SDK1: variants seen among roughly 807,000 people sequenced by gnomAD.
SDK1 encodes the protein protein sidekick-1.
SDK1 carries 157 observed loss-of-function variants against 245.5 expected under a neutral mutation model. That is an observed-to-expected ratio of 0.64 (90% CI 0.56 to 0.73). SDK1 has a LOEUF of 0.73. SDK1 is among the 30% of genes least tolerant of loss of function. SDK1 has a pLI of 0.00. For missense variants in SDK1, 3,583 were observed against 3,002.3 expected, an observed-to-expected ratio of 1.19 and a Z score of -4.52; for synonymous variants, 1,647 against 1,278.5, an observed-to-expected ratio of 1.29 and a Z score of -6.15.
intron 26 of SDK1, among the ~76,000 whole-genome samples, chr7:4,127,995 G>A (rs756786029): frequency 5.3e-5 from 8 of 152,174 alleles, no homozygotes; most frequent in Non-Finnish European, 7.3e-5. Context: ...AATGGCATCC[G>A]CTGGCAGGGT....
chr7:4,076,324 C>A (rs914880148), intron 20 of SDK1, among the ~76,000 whole-genome samples: 4 of 152,104 alleles, frequency 2.6e-5, no homozygotes, highest in Admixed American at 6.6e-5. Flanking sequence ...GAGGCCGAGG[C>A]GGGAGGATCT....
At chr7:3,592,336 T>C (rs1780904013) in intron 1 of SDK1, among the ~76,000 whole-genome samples, 1 of 152,176 alleles carries the variant, frequency 6.6e-6, no homozygotes, top group Non-Finnish European at 1.5e-5. Context: ...ATTCAGATGT[T>C]CCAGAATAAC....
intron 1 of SDK1, among the ~76,000 whole-genome samples, chr7:3,349,083 C>G (rs944462228): frequency 1.3e-5 from 2 of 152,098 alleles, no homozygotes; most frequent in African/African-American, 4.8e-5. Context: ...AAGTGCACTT[C>G]AGTTTTGTCG....
chr7:3,576,363 C>T (rs1583185027), intron 1 of SDK1, among the ~76,000 whole-genome samples: 2 of 152,200 alleles, frequency 1.3e-5, no homozygotes, highest in East Asian at 1.9e-4. Flanking sequence ...TAGGTGGGGC[C>T]ATCTGCAAGT....
chr7:3,858,354 C>G (rs1018303460), intron 5 of SDK1, among the ~76,000 whole-genome samples: 1 of 152,024 alleles, frequency 6.6e-6, no homozygotes, highest in African/African-American at 2.4e-5. Context: ...GAGTTCAAAA[C>G]CACCCTGGGC....
intron 1 of SDK1, among the ~76,000 whole-genome samples, chr7:3,315,771 G>T (rs916469441): frequency 2.6e-5 from 4 of 152,088 alleles, no homozygotes; most frequent in African/African-American, 9.7e-5. Context: ...GAAGAATATG[G>T]TACTAAAGTT....
intron 1 of SDK1, among the ~76,000 whole-genome samples, chr7:3,457,566 T>C (rs182025265): frequency 4.1e-4 from 62 of 152,204 alleles, no homozygotes; most frequent in African/African-American, 1.4e-3. Context: ...TTTCCAGGTT[T>C]CTGTTTTGCC....
chr7:3,830,135 T>C (rs1347395546), intron 5 of SDK1, among the ~76,000 whole-genome samples: 1 of 152,166 alleles, frequency 6.6e-6, no homozygotes, highest in African/African-American at 2.4e-5. Context: ...CGAACTGTTG[T>C]GGCAGATTTT....
chr7:3,394,991 T>A (rs1370961845), intron 1 of SDK1, among the ~76,000 whole-genome samples: 1 of 152,026 alleles, frequency 6.6e-6, no homozygotes, highest in Non-Finnish European at 1.5e-5. Flanking sequence ...CGAATGTCTT[T>A]TATTTGTTTT....
Position 4,008,416 on chromosome 7 carries a change from G to T in SDK1, c.2132-2550G>T, listed in dbSNP as rs183980039. 4.8e-3 allele frequency among the ~76,000 whole-genome samples: 730 copies of T among 152,362 alleles called. 5 individuals are homozygous for T. The highest frequency in any genetic ancestry group is 0.016 in the African/African-American group (686 of 41,598). ...GGGTGCCTCCTTGGCCAGTCGCCAT[G>T]ACAGCACACCTGAACAAAGGGGCAC... On this transcript the variant is annotated intron_variant, in intron 14 of 44. Coordinates refer to ENST00000404826, the MANE Select transcript of SDK1 (RefSeq NM_152744.4).
At chr7:3,997,293 T>C (rs1016419265) in intron 14 of SDK1, among the ~76,000 whole-genome samples, 7 of 152,208 alleles carry the variant, frequency 4.6e-5, no homozygotes, top group African/African-American at 1.4e-4. Flanking sequence ...GAAGAGGAGC[T>C]TTATTGAGTG....
intron 1 of SDK1, among the ~76,000 whole-genome samples, chr7:3,383,725 C>T (rs1261042817): frequency 6.6e-6 from 1 of 152,130 alleles, no homozygotes; most frequent in African/African-American, 2.4e-5. Flanking sequence ...ATTACTGTAG[C>T]CCTAAAAGGT....
intron 5 of SDK1, among the ~76,000 whole-genome samples, chr7:3,865,753 C>T (rs752042303): frequency 6.6e-6 from 1 of 151,878 alleles, no homozygotes; most frequent in Non-Finnish European, 1.5e-5. Flanking sequence ...GGCCTCAAGC[C>T]TCCCAAAACG....
chr7:3,620,300 AT>A (rs3086082), intron 2 of SDK1, among the ~76,000 whole-genome samples: 50,047 of 149,014 alleles, frequency 0.34, 8,435 homozygotes, highest in African/African-American at 0.38. Flanking sequence ...TGCTTACAGC[AT>A]TTTTTTTTTT....
chr7:3,741,886 G>A (rs1472156281), intron 4 of SDK1, among the ~76,000 whole-genome samples: 3 of 151,550 alleles, frequency 2.0e-5, no homozygotes, highest in African/African-American at 7.3e-5. Flanking sequence ...TCATATATGT[G>A]CACTTAGAGA....
chr7:3,912,762 A>G (rs114082376), intron 5 of SDK1, among the ~76,000 whole-genome samples: 3,724 of 152,326 alleles, frequency 0.024, 152 homozygotes, highest in African/African-American at 0.084. Flanking sequence ...CAGTTGACAG[A>G]AGGAAGAGGA....
intron 7 of SDK1, among the ~76,000 whole-genome samples, chr7:3,958,726 G>A (rs1297782347): frequency 3.3e-5 from 5 of 152,172 alleles, no homozygotes; most frequent in Admixed American, 6.5e-5. Context: ...CCATCACCCT[G>A]AGTAGTAAGT....
intron 4 of SDK1, among the ~76,000 whole-genome samples, chr7:3,680,099 G>A (rs1055494300): frequency 6.6e-5 from 10 of 152,126 alleles, no homozygotes; most frequent in African/African-American, 1.9e-4. Flanking sequence ...AATCCTTTGC[G>A]GCAATAAAAG....
intron 31 of SDK1, 25 bp downstream of exon 31, chr7:4,158,576 C>T (rs201597730): frequency 2.1e-5 from 32 of 1,548,196 alleles, no homozygotes; most frequent in Non-Finnish European, 2.7e-5. Flanking sequence ...GCCCAGACCG[C>T]GTTCCTGGCC....
Sources: gnomAD v4.1 joint callset for allele counts (sites outside exome capture counted in the v4.1 genomes callset) on GRCh38, gnomAD v4.1.1 for gene constraint, MANE v1.5 for transcripts, NCBI Gene and HGNC (gene_info 2026-07-23, HGNC 2026-07-21) for gene names.